Variants in ZKSCAN5 observed in about 807,000 individuals in gnomAD.
ZKSCAN5 encodes zinc finger protein with KRAB and SCAN domains 5.
Under a neutral mutation model 60.0 loss-of-function variants are expected in ZKSCAN5, and 28 were observed. The ratio of observed to expected loss-of-function variants is 0.47; its 90% CI spans 0.35 to 0.64. The LOEUF (loss-of-function observed/expected upper bound fraction) is 0.64. ZKSCAN5 is among the 30% of genes least tolerant of loss of function. ZKSCAN5 has a pLI of 0.01. For missense variants in ZKSCAN5, 881 were observed against 1,034.6 expected, an observed-to-expected ratio of 0.85 and a Z score of 2.04; for synonymous variants, 361 against 371.2, an observed-to-expected ratio of 0.97 and a Z score of 0.31.
rs114305376 is a variant in ZKSCAN5, at chr7:99,516,246, C to T, written c.554-3581C>T. On this transcript the variant is annotated intron_variant, in intron 3 of 6. Coordinates refer to ENST00000326775, the MANE Select transcript of ZKSCAN5 (RefSeq NM_145102.4). ...ACTTTCAGGGTTTCTCTCCATCTGG[C>T]TCTTGTCCTCTGTTTCTAGCTGCTT... Among the ~76,000 whole-genome samples the T allele has an allele frequency of 5.4e-3, 823 of 152,348 alleles. 5 individuals carry two copies. The highest frequency in any genetic ancestry group is 0.018 in the African/African-American group (752 of 41,584).
rs1376455984 is a variant in ZKSCAN5, at chr7:99,531,676, T to G, written c.1947T>G (p.Ala649=). Residue 649 remains alanine, a synonymous_variant, in exon 7 of 7, where the codon GCT becomes GCG. Coordinates refer to ENST00000326775, the MANE Select transcript of ZKSCAN5 (RefSeq NM_145102.4). The part of the protein sequence containing the change: ...GKGFGRRSHL[A]GHLRLHSREK... The stretch of plus-strand genomic sequence containing the variant: ...GCTTTGGGAGGCGTTCCCACCTGGC[T>G]GGACATCTTCGACTCCACTCCCGAG... 1 of 1,614,202 alleles carries G rather than the reference T, an allele frequency of 6.2e-7. No individual in the cohort carries two copies.
intron 2 of ZKSCAN5, 75 bp from the exon 3 acceptor site, chr7:99,512,378 T>G: frequency 6.5e-7 from 1 of 1,533,094 alleles, no homozygotes; most frequent in Admixed American, 1.9e-5. Flanking sequence ...TGAATGAAAG[T>G]CCACCATGAT....
intron 5 of ZKSCAN5, among the ~76,000 whole-genome samples, chr7:99,521,174 T>A (rs1264313175): frequency 2.6e-5 from 4 of 152,084 alleles, no homozygotes; most frequent in Non-Finnish European, 5.9e-5. Flanking sequence ...GATGCAAACA[T>A]ACACGCTACA....
chr7:99,508,534 A>G (rs1800870940), intron 2 of ZKSCAN5, among the ~76,000 whole-genome samples: 1 of 151,862 alleles, frequency 6.6e-6, no homozygotes, highest in African/African-American at 2.4e-5. Flanking sequence ...CGGGTGGATC[A>G]TGGGGTCAGA....
intron 2 of ZKSCAN5, 98 bp downstream of exon 2, chr7:99,506,556 T>C: frequency 7.1e-7 from 1 of 1,406,832 alleles, no homozygotes; most frequent in Non-Finnish European, 9.4e-7. Context: ...TCATTCATAT[T>C]CTTTTGTTCT....
chr7:99,508,202 G>A (rs1322768037), intron 2 of ZKSCAN5, among the ~76,000 whole-genome samples: 1 of 152,074 alleles, frequency 6.6e-6, no homozygotes, highest in Non-Finnish European at 1.5e-5. Context: ...GGGAGGCTGA[G>A]GCAGGAGAAT....
intron 3 of ZKSCAN5, among the ~76,000 whole-genome samples, chr7:99,519,070 G>A (rs1801401138): frequency 6.6e-6 from 1 of 150,878 alleles, no homozygotes; most frequent in Admixed American, 6.6e-5. Flanking sequence ...CCACCTCCCA[G>A]GTTCAAGCAA....
At chr7:99,508,467 A>G (rs922188226) in intron 2 of ZKSCAN5, among the ~76,000 whole-genome samples, 9 of 150,648 alleles carry the variant, frequency 6.0e-5, no homozygotes, top group Non-Finnish European at 1.2e-4. Flanking sequence ...ATAAGATGCA[A>G]TATTGGCCGG....
In ZKSCAN5 at chr7:99,524,036, T is replaced by C. The variant is rs536128331; in HGVS notation, c.773-1777T>C. Among the ~76,000 whole-genome samples, 22 of 152,024 alleles carry C rather than the reference T, an allele frequency of 1.4e-4. No homozygotes were observed. The South Asian group carries it at 4.6e-3, about 32-fold the overall frequency. On this transcript the variant is annotated intron_variant, in intron 5 of 6. Transcript: ENST00000326775. The stretch of plus-strand genomic sequence containing the variant: ...AGAAAACTCTCCTCATGAAAACATC[T>C]TGGGACATTCTTAATAGGCCATGAT...
intron 2 of ZKSCAN5, among the ~76,000 whole-genome samples, chr7:99,508,766 A>C (rs1045366196): frequency 1.3e-5 from 2 of 148,830 alleles, no homozygotes; most frequent in African/African-American, 4.9e-5. Context: ...AAAAAAAAAG[A>C]TACAATATTT....
At position 99,519,847 on chromosome 7, in the gene ZKSCAN5, C is replaced by G; in HGVS notation, c.574C>G (p.Pro192Ala). Residue 192 changes from proline to alanine, a missense_variant, in exon 4 of 7, where the codon CCT (proline) becomes GCT (alanine). Physicochemically the swap from Pro to Ala is conservative, Grantham distance 27. Coordinates refer to ENST00000326775, the MANE Select transcript of ZKSCAN5 (RefSeq NM_145102.4). ...CTTAGCCCTTCCTGTTCTCCAAGTT[C>G]CTTCCCTTCCCCTGAAGGACAGCCA... ...EENALPVLQV[P>A]SLPLKDSQEL... The G allele has an allele frequency of 6.2e-7, 1 of 1,614,064 alleles. No homozygotes were observed. Among genetic ancestry groups the G allele is most frequent in the Non-Finnish European group, 8.5e-7 (1 of 1,180,036 alleles).
At position 99,533,096 on chromosome 7, in the gene ZKSCAN5, C is replaced by T. The variant is rs1802125766; in HGVS notation, c.*847C>T. On this transcript the variant is annotated 3_prime_UTR_variant, in exon 7 of 7. Coordinates refer to ENST00000326775, the MANE Select transcript of ZKSCAN5 (RefSeq NM_145102.4). ...CCACAGGAATGAGGGCAGCTAAACC[C>T]ATAGAAGGAGTTGGACCAAGGCGAA... 1 of 354,796 alleles carries T rather than the reference C, an allele frequency of 2.8e-6. No individual in the cohort carries two copies. Among genetic ancestry groups the T allele is most frequent in the African/African-American group, 2.1e-5 (1 of 48,348 alleles). 22.0% of individuals were successfully genotyped at this position (354,796 alleles called of 1,614,324 possible).
At position 99,531,391 on chromosome 7, in the gene ZKSCAN5, T is replaced by C. The variant is rs148104750; in HGVS notation, c.1662T>C (p.Cys554=). 6.2e-7 allele frequency: 1 copy of C among 1,614,144 alleles called. No homozygotes were observed. Among genetic ancestry groups the C allele is most frequent in the African/African-American group, 1.3e-5 (1 of 75,026 alleles). Residue 554 remains cysteine, a synonymous_variant, in exon 7 of 7, where the codon TGT becomes TGC. Coordinates refer to ENST00000326775, the MANE Select transcript of ZKSCAN5 (RefSeq NM_145102.4). ...TGERPHKCNE[C]GKSFIQSAHL... is the part of the protein sequence containing the mutation. ...AGAGACCACATAAATGTAACGAGTG[T>C]GGGAAAAGCTTCATTCAGAGTGCAC... is the stretch of plus-strand genomic sequence containing the variant.
chr7:99,514,093 C>G (rs558505943), intron 3 of ZKSCAN5, among the ~76,000 whole-genome samples: 1 of 152,244 alleles, frequency 6.6e-6, no homozygotes, highest in African/African-American at 2.4e-5. Flanking sequence ...AAATTTAGTC[C>G]TTCTAGCAAA....
intron 6 of ZKSCAN5, among the ~76,000 whole-genome samples, chr7:99,529,533 C>G (rs552345315): frequency 2.0e-3 from 305 of 152,278 alleles, no homozygotes; most frequent in African/African-American, 7.2e-3. Context: ...AAGACAGGCG[C>G]TTACAGTCTT....
Position 99,534,373 on chromosome 7 carries a change from A to G in ZKSCAN5, c.*2124A>G. 1 of 152,096 alleles carries G rather than the reference A, an allele frequency of 6.6e-6. No homozygotes were observed. Among genetic ancestry groups the G allele is most frequent in the East Asian group, 1.9e-4 (1 of 5,176 alleles). 9.4% of individuals were successfully genotyped at this position (152,096 alleles called of 1,614,324 possible). On this transcript the variant is annotated 3_prime_UTR_variant, in exon 7 of 7. Coordinates refer to ENST00000326775, the MANE Select transcript of ZKSCAN5 (RefSeq NM_145102.4). ...CAGGCACATGCCACCATGAGTGGCT[A>G]ATTTTTAAAAAACATACTTTAGCTG... is the stretch of plus-strand genomic sequence containing the variant.
At chr7:99,509,157 T>A (rs941435518) in intron 2 of ZKSCAN5, among the ~76,000 whole-genome samples, 2 of 151,906 alleles carry the variant, frequency 1.3e-5, no homozygotes, top group Non-Finnish European at 2.9e-5. Context: ...CCCAGCTAAT[T>A]TTTGTATTTT....
chr7:99,510,071 A>G (rs1194718941), intron 2 of ZKSCAN5, among the ~76,000 whole-genome samples: 1 of 151,338 alleles, frequency 6.6e-6, no homozygotes, highest in African/African-American at 2.4e-5. Flanking sequence ...AGCTAGGACT[A>G]CAGGCACTTG....
At chr7:99,525,114 C>T (rs1018871512) in intron 5 of ZKSCAN5, among the ~76,000 whole-genome samples, 2 of 151,130 alleles carry the variant, frequency 1.3e-5, no homozygotes, top group Non-Finnish European at 2.9e-5. Flanking sequence ...TGCAGTCAGC[C>T]GAGATCGCGC....
Sources: gnomAD v4.1 joint callset for allele counts (sites outside exome capture counted in the v4.1 genomes callset) on GRCh38, gnomAD v4.1.1 for gene constraint, MANE v1.5 for transcripts, NCBI Gene and HGNC (gene_info 2026-07-23, HGNC 2026-07-21) for gene names.